The following BNIP2 variants were observed in gnomAD, a reference collection of about 807,000 sequenced individuals.
The protein encoded by BNIP2 is BCL2 interacting protein 2.
In BNIP2, 36 loss-of-function variants were observed where a neutral mutation model predicts 43.4. That is an observed-to-expected ratio of 0.83 (90% CI 0.64 to 1.10). The LOEUF is 1.10. Ranked by LOEUF, BNIP2 falls within the 50% of genes least tolerant of loss-of-function variation. The pLI, the probability that BNIP2 is intolerant of heterozygous loss-of-function variation, is 0.00. For synonymous variants in BNIP2, 146 were observed against 121.0 expected, an observed-to-expected ratio of 1.21 and a Z score of -1.35; for missense variants, 417 against 374.1, an observed-to-expected ratio of 1.11 and a Z score of -0.95.
chr15:59,682,578 A>T (rs6151483), intron 1 of BNIP2, 64 bp from the exon 2 acceptor site: 1 of 1,255,594 alleles, frequency 8.0e-7, no homozygotes, highest in Middle Eastern at 1.9e-4. Flanking sequence ...GAAAAGGCGT[A>T]ATAATCTTAT....
rs1297908171 is a variant in BNIP2, at chr15:59,660,480, CTA to C, written c.*3587_*3588del. 6.6e-6 allele frequency: 1 copy of C among 152,192 alleles called. No homozygotes were observed. The highest frequency in any genetic ancestry group is 1.5e-5 in the Non-Finnish European group (1 of 68,038). The allele number at this position is 152,192 out of a possible 1,614,324, so 9.4% of individuals were successfully genotyped here. A position where few individuals can be genotyped will look rare whatever the true frequency, so the allele number is the denominator to read the frequency against. Reference sequence around the variant, plus strand: ...AATCTCATCAGGAAACTGGCCTGTTCTATCTGATATGTCCTAATGCTAATTTA... The same window carrying C: ...AATCTCATCAGGAAACTGGCCTGTTCTCTGATATGTCCTAATGCTAATTTA... On this transcript the variant is annotated 3_prime_UTR_variant, in exon 10 of 10. Coordinates refer to ENST00000607373, the MANE Select transcript of BNIP2 (RefSeq NM_004330.4).
Position 59,676,733 on chromosome 15 carries a change from T to C in BNIP2, c.472+1178A>G, listed in dbSNP as rs1279680257. 5 of 1,213,904 alleles carry C rather than the reference T, an allele frequency of 4.1e-6. No homozygotes were observed. In the East Asian group the frequency reaches 7.6e-5, roughly 19 times the overall value. 75.2% of individuals were successfully genotyped at this position (1,213,904 alleles called of 1,614,324 possible). On this transcript the variant is annotated intron_variant, in intron 5 of 9. Transcript: ENST00000607373. ...CGCAGTGGAGTGCCGCGCGGTGCGG[T>C]GCGGGCGGCAGAGTTGGGGTGTCAT...
At chr15:59,683,267 C>A (rs1893809601) in intron 1 of BNIP2, among the ~76,000 whole-genome samples, 2 of 152,106 alleles carry the variant, frequency 1.3e-5, no homozygotes, top group Admixed American at 6.6e-5. Context: ...TAGAGATACT[C>A]CCTCTGGTGA....
At chr15:59,681,593 C>T (rs770857832) in intron 2 of BNIP2, among the ~76,000 whole-genome samples, 1 of 151,934 alleles carries the variant, frequency 6.6e-6, no homozygotes, top group South Asian at 2.1e-4. Context: ...GGACTACAGG[C>T]GAGCGCCAAG....
At chr15:59,664,774 G>A (rs928663206) in intron 9 of BNIP2, among the ~76,000 whole-genome samples, 1 of 152,026 alleles carries the variant, frequency 6.6e-6, no homozygotes. Context: ...GAAAATGGCA[G>A]GAAAAACAAC....
intron 1 of BNIP2, chr15:59,688,924 C>T (rs1472893545): frequency 1.5e-5 from 22 of 1,458,680 alleles, no homozygotes; most frequent in Non-Finnish European, 1.9e-5. Flanking sequence ...CAAATACAAA[C>T]AGGACCCAAG....
chr15:59,688,832 G>A, intron 1 of BNIP2: 2 of 1,531,488 alleles, frequency 1.3e-6, no homozygotes, highest in Non-Finnish European at 1.7e-6. Context: ...GTAAAAGGGT[G>A]GGGGAGCGGA....
rs540960062 is a variant in BNIP2 at position 59,675,627 on chromosome 15, G to C, written c.472+2284C>G. Among the ~76,000 whole-genome samples, 24 of 152,088 alleles carry C rather than the reference G, an allele frequency of 1.6e-4. 1 individual carries two copies. In the South Asian group the frequency reaches 4.8e-3, roughly 30 times the overall value. ...GTCTCAAAACAAAACAAAACAAAAA[G>C]AGTCCAAGTTTTACTTATATCCATA... On this transcript the variant is annotated intron_variant, in intron 5 of 9. Coordinates refer to ENST00000607373, the MANE Select transcript of BNIP2 (RefSeq NM_004330.4).
rs762123554 is a variant in BNIP2, at chr15:59,689,288, G to C, written c.-211C>G. 59 of 1,545,732 alleles carry C rather than the reference G, an allele frequency of 3.8e-5. 1 individual carries two copies. In the South Asian group the frequency reaches 6.0e-4, roughly 16 times the overall value. ...CCCAATCCCCCGGCCGCAGCGGTAC[G>C]GCGTCGGCGGCAGCAGCTGACCCGG... On this transcript the variant is annotated 5_prime_UTR_variant, in exon 1 of 10. Transcript: ENST00000607373.
chr15:59,688,906 C>T, intron 1 of BNIP2: 1 of 1,468,084 alleles, frequency 6.8e-7, no homozygotes, highest in South Asian at 1.4e-5. Context: ...GGTGGGGGGC[C>T]AAACTGCCAA....
chr15:59,679,980 G>A (rs920138922), intron 3 of BNIP2, among the ~76,000 whole-genome samples: 2 of 152,046 alleles, frequency 1.3e-5, no homozygotes, highest in Non-Finnish European at 2.9e-5. Flanking sequence ...CTTTTAAATA[G>A]AGGCAGACCT....
intron 1 of BNIP2, 110 bp from the exon 2 acceptor site, chr15:59,682,624 T>C: frequency 1.2e-6 from 1 of 801,884 alleles, no homozygotes; most frequent in Non-Finnish European, 1.8e-6. Context: ...TACAATGGTC[T>C]GGTCATGAAA....
At chr15:59,666,382 T>C (rs1481724791) in intron 9 of BNIP2, among the ~76,000 whole-genome samples, 2 of 152,296 alleles carry the variant, frequency 1.3e-5, no homozygotes, top group Admixed American at 6.5e-5. Context: ...AAAGTTTGGT[T>C]TAGGCTGGGC....
chr15:59,679,829 A>G (rs1262242678), intron 3 of BNIP2, 61 bp from the exon 4 acceptor site: 45 of 1,355,762 alleles, frequency 3.3e-5, no homozygotes, highest in Admixed American at 2.9e-4. Context: ...CTAAAGTTGA[A>G]TAAGAAAAAT....
rs979638949 is a variant in BNIP2, at chr15:59,661,725, C to T, written c.*2344G>A. ...AAAAGTACAATCACATATACTTTCACCTTGGTCAGTAATGGGAAATTAAAA... is the reference window on the plus strand; with the variant it reads ...AAAAGTACAATCACATATACTTTCATCTTGGTCAGTAATGGGAAATTAAAA... On this transcript the variant is annotated 3_prime_UTR_variant, in exon 10 of 10. Coordinates refer to ENST00000607373, the MANE Select transcript of BNIP2 (RefSeq NM_004330.4). 6.6e-6 allele frequency: 1 copy of T among 152,166 alleles called. No homozygotes were observed. Among genetic ancestry groups the T allele is most frequent in the Admixed American group, 6.5e-5 (1 of 15,280 alleles). The allele number at this position is 152,166 out of a possible 1,614,324, so 9.4% of individuals were successfully genotyped here.
rs1390860601 is a variant in BNIP2, at chr15:59,689,199, G to A, written c.-122C>T. ...CCAGGCCGGCGACGTGGGGCTGACG[G>A]CCAGGTCGCAAAAAGCAGGGCCGAG... On this transcript the variant is annotated 5_prime_UTR_variant, in exon 1 of 10. Coordinates refer to ENST00000607373, the MANE Select transcript of BNIP2 (RefSeq NM_004330.4). 1 of 1,539,762 alleles carries A rather than the reference G, an allele frequency of 6.5e-7. No individual in the cohort carries two copies. Among genetic ancestry groups the A allele is most frequent in the Non-Finnish European group, 8.7e-7 (1 of 1,146,476 alleles).
intron 1 of BNIP2, among the ~76,000 whole-genome samples, chr15:59,686,613 C>T (rs566877067): frequency 6.6e-6 from 1 of 152,218 alleles, no homozygotes; most frequent in African/African-American, 2.4e-5. Context: ...TAACCAACAG[C>T]CTGTATGTTT....
chr15:59,662,298 T>C lies in BNIP2; in HGVS notation c.*1771A>G, dbSNP rs1048486101. On this transcript the variant is annotated 3_prime_UTR_variant, in exon 10 of 10. Coordinates refer to ENST00000607373, the MANE Select transcript of BNIP2 (RefSeq NM_004330.4). ...TAATTGTTTATACATAATCCTTATA[T>C]GGTAAATTCAGAAGGAATGCCTAAC... 3 of 152,264 alleles carry C rather than the reference T, an allele frequency of 2.0e-5. No individual in the cohort carries two copies. Among genetic ancestry groups the C allele is most frequent in the South Asian group, 4.1e-4 (2 of 4,836 alleles). The allele number at this position is 152,264 out of a possible 1,614,324, so 9.4% of individuals were successfully genotyped here.
At chr15:59,668,780 G>T in intron 9 of BNIP2, 112 bp downstream of exon 9, 3 of 926,566 alleles carry the variant, frequency 3.2e-6, no homozygotes, top group Non-Finnish European at 4.8e-6. Flanking sequence ...ACACGCGCGC[G>T]CGCGCACAGT....
Sources: gnomAD v4.1 joint callset for allele counts (sites outside exome capture counted in the v4.1 genomes callset) on GRCh38, gnomAD v4.1.1 for gene constraint, MANE v1.5 for transcripts, NCBI Gene and HGNC (gene_info 2026-07-23, HGNC 2026-07-21) for gene names.